TIAM1: variants seen among roughly 807,000 people sequenced by gnomAD.
The protein encoded by TIAM1 is TIAM Rac1 associated GEF 1.
TIAM1 carries 65 observed loss-of-function variants against 163.5 expected under a neutral mutation model. The observed-to-expected ratio is 0.40, with a 90% confidence interval of 0.33 to 0.49. The LOEUF (loss-of-function observed/expected upper bound fraction) is 0.49, where lower values mean the gene tolerates loss of function less well. TIAM1 is among the 20% of genes least tolerant of loss of function. The probability of loss-of-function intolerance (pLI) is 0.77; values close to 1 mark genes in which losing one functional copy is unlikely to be tolerated. For missense variants in TIAM1, 1,789 were observed against 2,044.7 expected, an observed-to-expected ratio of 0.87 and a Z score of 2.41; for synonymous variants, 833 against 810.1, an observed-to-expected ratio of 1.03 and a Z score of -0.48.
At chr21:31,428,794 GC>G (rs201015153) in intron 2 of TIAM1, among the ~76,000 whole-genome samples, 2,230 of 151,514 alleles carry the variant, frequency 0.015, 62 homozygotes, top group African/African-American at 0.052. Flanking sequence ...GAGGTGGGAG[GC>G]CTTCTTGAGC....
At chr21:31,456,668 C>T (rs796892766) in intron 2 of TIAM1, among the ~76,000 whole-genome samples, 2 of 152,182 alleles carry the variant, frequency 1.3e-5, no homozygotes, top group Admixed American at 6.5e-5. Flanking sequence ...CATGTACTCA[C>T]GATATAGCTT....
At chr21:31,145,133 A>G (rs1601275242) in intron 20 of TIAM1, among the ~76,000 whole-genome samples, 1 of 152,216 alleles carries the variant, frequency 6.6e-6, no homozygotes, top group East Asian at 1.9e-4. Flanking sequence ...CCATATGCCC[A>G]ACACAGCACA....
At chr21:31,239,855 T>A (rs2071076541) in intron 6 of TIAM1, among the ~76,000 whole-genome samples, 1 of 152,174 alleles carries the variant, frequency 6.6e-6, no homozygotes, top group Non-Finnish European at 1.5e-5. Context: ...AGATGAGGAA[T>A]AACTAGAATT....
At chr21:31,155,060 C>T (rs2083555641) in intron 16 of TIAM1, among the ~76,000 whole-genome samples, 1 of 152,210 alleles carries the variant, frequency 6.6e-6, no homozygotes, top group Non-Finnish European at 1.5e-5. Context: ...ATACCACTCC[C>T]CTTTAAGAAT....
chr21:31,298,215 T>C (rs1436762813), intron 2 of TIAM1, among the ~76,000 whole-genome samples: 3 of 152,194 alleles, frequency 2.0e-5, no homozygotes, highest in Non-Finnish European at 4.4e-5. Flanking sequence ...TAACTATGCA[T>C]ATTTCTGTAG....
At chr21:31,125,486 C>A (rs2082162335) in intron 26 of TIAM1, among the ~76,000 whole-genome samples, 1 of 152,192 alleles carries the variant, frequency 6.6e-6, no homozygotes, top group African/African-American at 2.4e-5. Context: ...CGGGGATCTG[C>A]CTTTTGTTGA....
At chr21:31,432,805 C>G (rs2044087499) in intron 2 of TIAM1, among the ~76,000 whole-genome samples, 2 of 152,144 alleles carry the variant, frequency 1.3e-5, no homozygotes, top group African/African-American at 4.8e-5. Context: ...TGGGGCCAGA[C>G]TGTGGAAGGT....
At chr21:31,269,295 C>T (rs1452159823) in intron 3 of TIAM1, among the ~76,000 whole-genome samples, 2 of 152,198 alleles carry the variant, frequency 1.3e-5, no homozygotes, top group African/African-American at 2.4e-5. Context: ...AGATTCTTTT[C>T]AGCTGGCCAA....
chr21:31,240,805 T>C (rs2071130988), intron 6 of TIAM1, among the ~76,000 whole-genome samples: 1 of 151,998 alleles, frequency 6.6e-6, no homozygotes, highest in Non-Finnish European at 1.5e-5. Context: ...GGGAATACGA[T>C]TTCCACAAAA....
intron 1 of TIAM1, among the ~76,000 whole-genome samples, chr21:31,544,219 T>A (rs939374310): frequency 6.8e-6 from 1 of 147,538 alleles, no homozygotes; most frequent in African/African-American, 2.5e-5. Flanking sequence ...AAATAAATAA[T>A]AAATAAATAA....
chr21:31,129,214 T>G (rs1234254239), intron 25 of TIAM1, among the ~76,000 whole-genome samples: 2 of 152,208 alleles, frequency 1.3e-5, no homozygotes, highest in African/African-American at 2.4e-5. Flanking sequence ...TCTTGAGAAC[T>G]TGGCTTCAAA....
intron 2 of TIAM1, among the ~76,000 whole-genome samples, chr21:31,402,127 C>T (rs1443420109): frequency 3.3e-5 from 5 of 151,708 alleles, no homozygotes; most frequent in Admixed American, 6.6e-5. Flanking sequence ...GCAGGAGAAT[C>T]GCTTGAACCC....
rs138815926 is a variant in TIAM1, at chr21:31,180,149, G to A, written c.2887+2272C>T. 8.5e-3 allele frequency among the ~76,000 whole-genome samples: 1,290 copies of A among 152,078 alleles called. 23 individuals are homozygous for A. Among genetic ancestry groups the A allele is most frequent in the African/African-American group, 0.029 (1,212 of 41,460 alleles). ...TCAAATTCCTGACCTCAGGTGATCCGCCTGCCTTGGCCTCCCAAAGTGCTG... is the reference window on the plus strand; with the variant it reads ...TCAAATTCCTGACCTCAGGTGATCCACCTGCCTTGGCCTCCCAAAGTGCTG... On this transcript the variant is annotated intron_variant, in intron 15 of 27. Coordinates refer to ENST00000541036, the MANE Select transcript of TIAM1 (RefSeq NM_001353694.2).
chr21:31,469,524 G>A (rs2045660717), intron 1 of TIAM1, among the ~76,000 whole-genome samples: 1 of 152,052 alleles, frequency 6.6e-6, no homozygotes, highest in Non-Finnish European at 1.5e-5. Flanking sequence ...AAGAGGGGCA[G>A]AGAATTTAAC....
chr21:31,443,664 C>A (rs1457611086), intron 2 of TIAM1, among the ~76,000 whole-genome samples: 1 of 152,200 alleles, frequency 6.6e-6, no homozygotes, highest in Non-Finnish European at 1.5e-5. Context: ...TGATATCAGA[C>A]TCCTGTGGTC....
At chr21:31,197,614 C>T (rs1165911034) in intron 12 of TIAM1, among the ~76,000 whole-genome samples, 1 of 151,516 alleles carries the variant, frequency 6.6e-6, no homozygotes, top group African/African-American at 2.4e-5. Context: ...CGTGATCCGC[C>T]CGCCTCAGCC....
chr21:31,394,240 G>T (rs1456285876), intron 2 of TIAM1, among the ~76,000 whole-genome samples: 1 of 152,186 alleles, frequency 6.6e-6, no homozygotes, highest in Non-Finnish European at 1.5e-5. Flanking sequence ...CTAAGTGAAA[G>T]AAGCCCATCT....
chr21:31,393,198 C>T (rs760156829), intron 2 of TIAM1, among the ~76,000 whole-genome samples: 5 of 152,118 alleles, frequency 3.3e-5, no homozygotes, highest in Non-Finnish European at 5.9e-5. Flanking sequence ...TCAAGTGATC[C>T]GCCCACTTTG....
chr21:31,121,836 C>T (rs2082013857), intron 27 of TIAM1, among the ~76,000 whole-genome samples: 1 of 152,188 alleles, frequency 6.6e-6, no homozygotes, highest in South Asian at 2.1e-4. Context: ...CACACATACA[C>T]GAGACTGCTC....
Sources: gnomAD v4.1 joint callset for allele counts (sites outside exome capture counted in the v4.1 genomes callset) on GRCh38, gnomAD v4.1.1 for gene constraint, MANE v1.5 for transcripts, NCBI Gene and HGNC (gene_info 2026-07-23, HGNC 2026-07-21) for gene names.